The following PFKFB2 variants were observed in gnomAD, a reference collection of about 807,000 sequenced individuals.
PFKFB2 encodes 6-phosphofructo-2-kinase/fructose-2,6-bisphosphatase 2.
A neutral mutation model predicts 68.0 loss-of-function variants in PFKFB2; 53 were observed. That is an observed-to-expected ratio of 0.78 (90% CI 0.63 to 0.98). PFKFB2 has a LOEUF of 0.98. Ranked by LOEUF, PFKFB2 falls within the 50% of genes least tolerant of loss-of-function variation. The probability of loss-of-function intolerance (pLI) is 0.00; values close to 1 mark genes in which losing one functional copy is unlikely to be tolerated. For synonymous variants in PFKFB2, 222 were observed against 227.6 expected, an observed-to-expected ratio of 0.98 and a Z score of 0.22; for missense variants, 451 against 642.0, an observed-to-expected ratio of 0.70 and a Z score of 3.22.
At chr1:207,064,019 C>T (rs1683207002) in intron 7 of PFKFB2, among the ~76,000 whole-genome samples, 190 bp downstream of exon 7, 1 of 152,138 alleles carries the variant, frequency 6.6e-6, no homozygotes, top group Non-Finnish European at 1.5e-5. Flanking sequence ...TACTTCTACA[C>T]TCTTCTCTTG....
At chr1:207,058,642 C>T (rs1443036138) in intron 2 of PFKFB2, among the ~76,000 whole-genome samples, 7 of 151,692 alleles carry the variant, frequency 4.6e-5, no homozygotes, top group Non-Finnish European at 7.4e-5. Context: ...ATTTTGAGAC[C>T]GGGTTATGAG....
intron 2 of PFKFB2, among the ~76,000 whole-genome samples, chr1:207,061,354 G>A (rs1480700334): frequency 6.6e-6 from 1 of 150,606 alleles, no homozygotes; most frequent in East Asian, 1.9e-4. Flanking sequence ...TCTTAGCCTT[G>A]CTACTTTTTT....
upstream of PFKFB2, chr1:207,049,453 G>T (rs773743947): frequency 1.7e-5 from 27 of 1,613,986 alleles, no homozygotes; most frequent in Non-Finnish European, 2.2e-5. Flanking sequence ...CTCTTGATTT[G>T]TTTTTCCCAG....
chr1:207,035,526 C>A (rs527858795), intron 1 of PFKFB2, among the ~76,000 whole-genome samples: 1 of 152,156 alleles, frequency 6.6e-6, no homozygotes, highest in East Asian at 1.9e-4. Context: ...TGGCAGTGCG[C>A]ACCTGCAGTC....
chr1:207,068,348 G>A, intron 10 of PFKFB2, 39 bp downstream of exon 10: 1 of 1,502,656 alleles, frequency 6.7e-7, no homozygotes, highest in South Asian at 1.4e-5. Flanking sequence ...AAGCCAACAA[G>A]AGTTCAGGCA....
upstream of PFKFB2, among the ~76,000 whole-genome samples, chr1:207,051,464 G>A (rs1042009233): frequency 6.6e-6 from 1 of 152,224 alleles, no homozygotes; most frequent in Non-Finnish European, 1.5e-5. Context: ...TAGACTCGTG[G>A]CTGCATTAAA....
At chr1:207,061,657 G>T (rs148838761) in intron 2 of PFKFB2, among the ~76,000 whole-genome samples, 2,385 of 152,270 alleles carry the variant, frequency 0.016, 23 homozygotes, top group Non-Finnish European at 0.021. Context: ...GCTGAGGTGG[G>T]TGGATCATGA....
At chr1:207,051,832 C>T (rs939011253), upstream of PFKFB2, among the ~76,000 whole-genome samples, 4 of 152,152 alleles carry the variant, frequency 2.6e-5, no homozygotes, top group Admixed American at 6.5e-5. Flanking sequence ...ATGCCTAGAA[C>T]CCAGGACTGT....
chr1:207,077,526 T>C lies in PFKFB2; in HGVS notation c.*5155T>C, dbSNP rs1263723280. ...TATGGCAAAATCAAAGGGCTGATCATACATGGTGCCCTTTGGGAAGGGGGA... is the reference window on the plus strand; with the variant it reads ...TATGGCAAAATCAAAGGGCTGATCACACATGGTGCCCTTTGGGAAGGGGGA... On this transcript the variant is annotated 3_prime_UTR_variant, in exon 15 of 15. Transcript: ENST00000367080. 2.0e-6 allele frequency: 2 copies of C among 985,626 alleles called. No homozygotes were observed. Among genetic ancestry groups the C allele is most frequent in the Non-Finnish European group, 2.4e-6 (2 of 829,912 alleles). 61.1% of individuals were successfully genotyped at this position (985,626 alleles called of 1,614,324 possible). A position where few individuals can be genotyped will look rare whatever the true frequency, so the allele number is the denominator to read the frequency against.
At position 207,072,896 on chromosome 1, in the gene PFKFB2, G is replaced by T; in HGVS notation, c.*525G>T. 1.0e-6 allele frequency: 1 copy of T among 986,564 alleles called. No homozygotes were observed. Among genetic ancestry groups the T allele is most frequent in the Non-Finnish European group, 1.2e-6 (1 of 830,854 alleles). The allele number at this position is 986,564 out of a possible 1,614,324, so 61.1% of individuals were successfully genotyped here. On this transcript the variant is annotated 3_prime_UTR_variant, in exon 15 of 15. Coordinates refer to ENST00000367080, the MANE Select transcript of PFKFB2 (RefSeq NM_006212.2). ...TCCCCTCTGGATTGTCCAGTGTAAT[G>T]CATGGCATTGTGGTGTCTGTCTAGG... is the stretch of plus-strand genomic sequence containing the variant.
intron 1 of PFKFB2, among the ~76,000 whole-genome samples, chr1:207,041,601 A>G (rs1682481694): frequency 1.3e-5 from 2 of 152,174 alleles, no homozygotes; most frequent in Admixed American, 1.3e-4. Flanking sequence ...TCCATGGTGT[A>G]TATGTGCCAC....
intron 2 of PFKFB2, among the ~76,000 whole-genome samples, chr1:207,060,227 C>T (rs1385263935): frequency 6.6e-6 from 1 of 152,222 alleles, no homozygotes; most frequent in Non-Finnish European, 1.5e-5. Context: ...GTTCTAGTGC[C>T]AGCTGTACCC....
chr1:207,071,988 C>A (rs755348701), intron 14 of PFKFB2, among the ~76,000 whole-genome samples: 1 of 152,142 alleles, frequency 6.6e-6, no homozygotes, highest in Non-Finnish European at 1.5e-5. Context: ...TTCTTTGGGT[C>A]TTTTTCCTGC....
At position 207,076,743 on chromosome 1, in the gene PFKFB2, G is replaced by T. The variant is rs550984651; in HGVS notation, c.*4372G>T. 80 of 972,948 alleles carry T rather than the reference G, an allele frequency of 8.2e-5. No homozygotes were observed. In the Middle Eastern group the frequency reaches 1.6e-3, roughly 19 times the overall value. The allele number at this position is 972,948 out of a possible 1,614,324, so 60.3% of individuals were successfully genotyped here. On this transcript the variant is annotated 3_prime_UTR_variant, in exon 15 of 15. Transcript: ENST00000367080. Reference sequence around the variant, plus strand: ...TCTGTGTGCTGATTGACTCTAGTAGGATCTGTTTGTCACTGACAGACTGTA... The same window carrying T: ...TCTGTGTGCTGATTGACTCTAGTAGTATCTGTTTGTCACTGACAGACTGTA...
chr1:207,063,874 TGTGTGTGTTGTGGG>T lies in PFKFB2; in HGVS notation c.507+54_507+67del. ...ATCATCTCCTCTTCACCTTTTGTGCTGTGTGTGTTGTGGGGTGTGTGTGTGTGTGTGTGTGTGTG... is the reference window on the plus strand; with the variant it reads ...ATCATCTCCTCTTCACCTTTTGTGCTGTGTGTGTGTGTGTGTGTGTGTGTG... On this transcript the variant is annotated intron_variant, in intron 7 of 14. Coordinates refer to ENST00000367080, the MANE Select transcript of PFKFB2 (RefSeq NM_006212.2). This position sits in a 1 kb window ranked among gnomAD's most constrained non-coding sequence, Gnocchi z 4.1. 1.6e-6 allele frequency: 2 copies of T among 1,249,352 alleles called. No individual in the cohort carries two copies. Among genetic ancestry groups the T allele is most frequent in the Non-Finnish European group, 2.3e-6 (2 of 860,338 alleles). 77.4% of individuals were successfully genotyped at this position (1,249,352 alleles called of 1,614,324 possible).
intron 2 of PFKFB2, chr1:207,046,757 T>C (rs1682608264): frequency 6.6e-6 from 1 of 152,126 alleles, no homozygotes; most frequent in South Asian, 2.1e-4. Flanking sequence ...TTCCTTTCCA[T>C]TTGTTAAATT....
At position 207,073,794 on chromosome 1, in the gene PFKFB2, C is replaced by G. The variant is rs1180694873; in HGVS notation, c.*1423C>G. 6 of 985,148 alleles carry G rather than the reference C, an allele frequency of 6.1e-6. No individual in the cohort carries two copies. In the East Asian group the frequency reaches 4.5e-4, roughly 74 times the overall value. 61.0% of individuals were successfully genotyped at this position (985,148 alleles called of 1,614,324 possible). On this transcript the variant is annotated 3_prime_UTR_variant, in exon 15 of 15. Transcript: ENST00000367080. The stretch of plus-strand genomic sequence containing the variant: ...CTTGATGACCATGATGGCTTATTCT[C>G]TTTCCCAATTTTGCATGCAAAATGT...
chr1:207,078,884 T>C (rs1189685480), downstream of PFKFB2: 2 of 1,299,576 alleles, frequency 1.5e-6, no homozygotes, highest in Non-Finnish European at 2.2e-6. Context: ...GGAAGGATTC[T>C]GTTCTACTTT....
chr1:207,066,867 T>C (rs1683303235), intron 8 of PFKFB2, among the ~76,000 whole-genome samples: 1 of 152,318 alleles, frequency 6.6e-6, no homozygotes, highest in African/African-American at 2.4e-5. Context: ...TTGGCCAGGC[T>C]GTTCTCAAAC....
Sources: allele counts gnomAD v4.1 joint callset (sites outside exome capture counted in the v4.1 genomes callset), GRCh38; gene constraint gnomAD v4.1.1; non-coding constraint Gnocchi (gnomAD v3.1); transcripts MANE v1.5; gene names NCBI Gene and HGNC (gene_info 2026-07-23, HGNC 2026-07-21).